Variants in EVC2 observed in about 807,000 individuals in gnomAD.
EVC2 encodes EvC ciliary complex subunit 2, also known as limbin.
Under a neutral mutation model 149.3 loss-of-function variants are expected in EVC2, and 148 were observed. The ratio of observed to expected loss-of-function variants is 0.99; its 90% CI spans 0.87 to 1.14. EVC2 has a LOEUF of 1.14. Among genes scored for constraint, EVC2 ranks in the 50% most tolerant of loss-of-function variants. The pLI is 0.00. For synonymous variants in EVC2, 776 were observed against 649.9 expected (o/e 1.19, Z -2.95); for missense variants, 1,854 against 1,627.3 (o/e 1.14, Z -2.40).
rs1577170319 is a variant in EVC2, at chr4:5,622,767, T to C, written c.2271A>G (p.Ser757=). 1 of 1,614,026 alleles carries C rather than the reference T, an allele frequency of 6.2e-7. No homozygotes were observed. The highest frequency in any genetic ancestry group is 8.5e-7 in the Non-Finnish European group (1 of 1,180,012). The change falls in exon 14 of 22, where the codon TCA becomes TCG. Residue 757 remains serine, a synonymous_variant. Transcript: ENST00000344408. The surrounding 1 kb of genome is among the most constrained non-coding windows in gnomAD (Gnocchi z 5.8). ...ATDELRRLQN[S]AMTQELLKRG... ...GCTTGAGCAGCTCCTGGGTCATGGC[T>C]GAGTTCTGCAGGCGCCGCAGCTCGT...
chr4:5,665,438 C>T, intron 8 of EVC2, 77 bp downstream of exon 8: 1 of 1,606,008 alleles, frequency 6.2e-7, no homozygotes, highest in Admixed American at 1.7e-5. Context: ...GGATCCAGGG[C>T]TGAGACCCAC....
At position 5,562,893 on chromosome 4, in the gene EVC2, G is replaced by A. The variant is rs921952317; in HGVS notation, c.3882C>T (p.Asn1294=). The A allele has an allele frequency of 2.2e-5, 35 of 1,614,060 alleles. No homozygotes were observed. The highest frequency in any genetic ancestry group is 2.9e-5 in the Non-Finnish European group (34 of 1,180,044). ...TCATGGCCTTTTTGGCATTCAAAAA[G>A]TTCTTCTTTTTCCTGGGAGGAACGT... ...SLHVPPRKKK[N]FLNAKKAMRA... The change falls in exon 22 of 22, where the codon AAC becomes AAT. Residue 1294 remains asparagine, a synonymous_variant. Coordinates refer to ENST00000344408, the MANE Select transcript of EVC2 (RefSeq NM_147127.5). The surrounding 1 kb of genome is among the most constrained non-coding windows in gnomAD (Gnocchi z 4.3).
chr4:5,546,753 C>A (rs1560116265), intron 21 of EVC2, among the ~76,000 whole-genome samples: 1 of 151,776 alleles, frequency 6.6e-6, no homozygotes, highest in Non-Finnish European at 1.5e-5. Context: ...ACTGACATAG[C>A]TATTACACTT....
At chr4:5,697,672 A>G (rs1400465472) in intron 1 of EVC2, 25 bp from the exon 2 acceptor site, 4 of 1,603,406 alleles carry the variant, frequency 2.5e-6, no homozygotes, top group Middle Eastern at 1.7e-4. Context: ...ACACAAAGTC[A>G]TTAATGGAAC....
Position 5,615,441 on chromosome 4 carries a change from G to C in EVC2, c.2810C>G (p.Ser937Cys). 1 of 1,614,232 alleles carries C rather than the reference G, an allele frequency of 6.2e-7. No individual in the cohort carries two copies. Among genetic ancestry groups the C allele is most frequent in the Non-Finnish European group, 8.5e-7 (1 of 1,180,038 alleles). The change falls in exon 16 of 22, where the codon TCT (serine) becomes TGT (cysteine). Residue 937 changes from serine to cysteine, a missense_variant. By Grantham distance (112) the Ser-to-Cys change is moderately radical. Coordinates refer to ENST00000344408, the MANE Select transcript of EVC2 (RefSeq NM_147127.5). ...ACTGACCTTTTCCACCAGGTCTTCA[G>C]AGGCCTGTTCCTCACAGAGGTGAAT... ...DKIHLCEEQA[S>C]EDLVEKVRGE...
chr4:5,688,669 C>T (rs1330766783), intron 5 of EVC2, among the ~76,000 whole-genome samples: 1 of 152,120 alleles, frequency 6.6e-6, no homozygotes, highest in East Asian at 1.9e-4. Context: ...GGAGTTACCC[C>T]AGTGAACATG....
rs1466317032 is a variant in EVC2 at position 5,567,447 on chromosome 4, G to A, written c.3557+997C>T. 1.3e-5 allele frequency among the ~76,000 whole-genome samples: 2 copies of A among 152,032 alleles called. No individual in the cohort carries two copies. Among genetic ancestry groups the A allele is most frequent in the East Asian group, 1.9e-4 (1 of 5,186 alleles). ...AGTCATGATGGTTCAGCAGGCTCTCGGGCTCCCAGATGCCCTCCTGGCCTC... is the reference window on the plus strand; with the variant it reads ...AGTCATGATGGTTCAGCAGGCTCTCAGGCTCCCAGATGCCCTCCTGGCCTC... On this transcript the variant is annotated intron_variant, in intron 20 of 21. Transcript: ENST00000344408. This position sits in a 1 kb window ranked among gnomAD's most constrained non-coding sequence, Gnocchi z 4.4.
At chr4:5,629,850 G>A (rs1211197774) in intron 11 of EVC2, among the ~76,000 whole-genome samples, 1 of 152,222 alleles carries the variant, frequency 6.6e-6, no homozygotes, top group Non-Finnish European at 1.5e-5. Context: ...AGCCCATGTT[G>A]TAAGGAAATT....
intron 16 of EVC2, among the ~76,000 whole-genome samples, chr4:5,605,101 A>C (rs536621603): frequency 1.1e-4 from 16 of 152,276 alleles, no homozygotes; most frequent in Middle Eastern, 3.4e-3. Context: ...ACTTTCTTAC[A>C]CATATTTAAT....
rs35659110 is a variant in EVC2 at position 5,592,853 on chromosome 4, G to A, written c.2830-8003C>T. Among the ~76,000 whole-genome samples the A allele has an allele frequency of 2.2e-3, 336 of 152,286 alleles. 1 individual carries two copies. Among genetic ancestry groups the A allele is most frequent in the Non-Finnish European group, 3.7e-3 (250 of 68,024 alleles). On this transcript the variant is annotated intron_variant, in intron 16 of 21. Transcript: ENST00000344408. The stretch of plus-strand genomic sequence containing the variant: ...CCGCCCCAAGGGAAGAAACACGGGA[G>A]AAGGGATGTGATATGGTTTGGCTGT...
At position 5,686,300 on chromosome 4, in the gene EVC2, C is replaced by T. The variant is rs1720708206; in HGVS notation, c.707-821G>A. 6.6e-6 allele frequency among the ~76,000 whole-genome samples: 1 copy of T among 152,120 alleles called. No homozygotes were observed. The highest frequency in any genetic ancestry group is 1.5e-5 in the Non-Finnish European group (1 of 68,030). On this transcript the variant is annotated intron_variant, in intron 5 of 21. Coordinates refer to ENST00000344408, the MANE Select transcript of EVC2 (RefSeq NM_147127.5). This position sits in a 1 kb window ranked among gnomAD's most constrained non-coding sequence, Gnocchi z 5.4. ...CTCGAACTCCCAGGCTCCAGTGATC[C>T]TCCTGCCTCAGCCTCCTGAGTAGCT...
the EVC2 span, among the ~76,000 whole-genome samples, chr4:5,535,601 A>AGAGAGAGAGAG: frequency 1.7e-5 from 2 of 118,210 alleles, no homozygotes; most frequent in Non-Finnish European, 3.5e-5. This position sits in a 1 kb window ranked among gnomAD's most constrained non-coding sequence, Gnocchi z 4.7. Context: ...CATGCTTAGA[A>AGAGAGAGAGAG]AGAGAGAGAG....
intron 3 of EVC2, among the ~76,000 whole-genome samples, chr4:5,692,012 G>T (rs1721149968): frequency 6.6e-6 from 1 of 152,048 alleles, no homozygotes; most frequent in Non-Finnish European, 1.5e-5. Context: ...CCTTTAAATG[G>T]GACTGGACCC....
Position 5,640,812 on chromosome 4 carries a change from GC to G in EVC2, c.1171del (p.Ala391GlnfsTer21). The G allele has an allele frequency of 6.2e-7, 1 of 1,614,140 alleles. No homozygotes were observed. The highest frequency in any genetic ancestry group is 8.5e-7 in the Non-Finnish European group (1 of 1,180,014). ...TCGACAAGCCTCCAGATCTGCATCT[GC>G]CCGATTCAGGGTTGCAATCTCCAAC... ...EELEIATLNR[A>X]DADLEACRTQ... On this transcript the variant is annotated frameshift_variant, in exon 10 of 22. Transcript: ENST00000344408. LOFTEE classifies it high-confidence loss of function. This position sits in a 1 kb window ranked among gnomAD's most constrained non-coding sequence, Gnocchi z 4.6.
chr4:5,561,471 CA>C (rs1217220143), downstream of EVC2, among the ~76,000 whole-genome samples: 3 of 152,192 alleles, frequency 2.0e-5, no homozygotes, highest in African/African-American at 7.2e-5. Flanking sequence ...ACCTTTCTAC[CA>C]ATGCAGTCAT....
In EVC2 at chr4:5,682,423, G is replaced by T. The variant is rs553655343; in HGVS notation, c.817-1110C>A. Among the ~76,000 whole-genome samples, 9 of 151,852 alleles carry T rather than the reference G, an allele frequency of 5.9e-5. No homozygotes were observed. In the South Asian group the frequency reaches 1.5e-3, roughly 25 times the overall value. ...GAGAATGGCTTGAACCCAGGAGGAG[G>T]AGGTTGCAGTGAGCTGAGATCATGC... On this transcript the variant is annotated intron_variant, in intron 6 of 21. Coordinates refer to ENST00000344408, the MANE Select transcript of EVC2 (RefSeq NM_147127.5).
At chr4:5,619,930 A>G (rs892329412) in intron 14 of EVC2, among the ~76,000 whole-genome samples, 8 of 152,242 alleles carry the variant, frequency 5.3e-5, no homozygotes, top group African/African-American at 1.9e-4. Context: ...CCGATGCTTT[A>G]AAATTCAGAG....
intron 17 of EVC2, among the ~76,000 whole-genome samples, chr4:5,584,232 T>C (rs1712061946): frequency 6.6e-6 from 1 of 152,228 alleles, no homozygotes; most frequent in African/African-American, 2.4e-5. Context: ...GGAAAGAATG[T>C]AGCATGTTGC....
chr4:5,666,205 A>G (rs978899863), intron 7 of EVC2, among the ~76,000 whole-genome samples: 2 of 149,242 alleles, frequency 1.3e-5, no homozygotes, highest in South Asian at 2.1e-4. Flanking sequence ...TCTGCCTTCT[A>G]GCATTTTTTA....
Sources: allele counts gnomAD v4.1 joint callset (sites outside exome capture counted in the v4.1 genomes callset), GRCh38; gene constraint gnomAD v4.1.1; non-coding constraint Gnocchi (gnomAD v3.1); transcripts MANE v1.5; gene names NCBI Gene and HGNC (gene_info 2026-07-23, HGNC 2026-07-21).